Variants in VAV3 observed in about 807,000 individuals in gnomAD.
The protein encoded by VAV3 is vav guanine nucleotide exchange factor 3.
A neutral mutation model predicts 131.2 loss-of-function variants in VAV3; 94 were observed. The observed-to-expected ratio is 0.72, with a 90% CI of 0.61 to 0.85. VAV3 has a LOEUF of 0.85. Ranked by LOEUF, VAV3 falls within the 40% of genes least tolerant of loss-of-function variation. The probability of loss-of-function intolerance (pLI) is 0.00; values close to 1 mark genes in which losing one functional copy is unlikely to be tolerated. For missense variants in VAV3, 939 were observed against 1,002.7 expected, an observed-to-expected ratio of 0.94 and a Z score of 0.86; for synonymous variants, 349 against 342.0, an observed-to-expected ratio of 1.02 and a Z score of -0.22.
intron 1 of VAV3, among the ~76,000 whole-genome samples, chr1:107,876,483 G>A (rs1316835467): frequency 6.6e-6 from 1 of 152,164 alleles, no homozygotes; most frequent in Non-Finnish European, 1.5e-5. Context: ...ATAGAGAGGG[G>A]AAAGCTGGTA....
At chr1:107,725,388 T>A (rs951608545) in intron 15 of VAV3, among the ~76,000 whole-genome samples, 2 of 152,170 alleles carry the variant, frequency 1.3e-5, no homozygotes, top group African/African-American at 4.8e-5. Context: ...GAGATGGTGA[T>A]AACAAGTGGA....
intron 2 of VAV3, among the ~76,000 whole-genome samples, chr1:107,874,387 A>G (rs1355030322): frequency 6.6e-6 from 1 of 152,222 alleles, no homozygotes; most frequent in Non-Finnish European, 1.5e-5. Flanking sequence ...TTATTCAACA[A>G]TCTTGAACAC....
intron 1 of VAV3, among the ~76,000 whole-genome samples, chr1:107,914,540 A>G (rs376146727): frequency 2.0e-5 from 3 of 152,360 alleles, no homozygotes; most frequent in East Asian, 3.9e-4. Flanking sequence ...GCTAATGCCC[A>G]TGAAAGCAAT....
intron 15 of VAV3, among the ~76,000 whole-genome samples, chr1:107,706,349 T>C (rs567769407): frequency 4.6e-5 from 7 of 152,180 alleles, no homozygotes; most frequent in South Asian, 2.1e-4. Context: ...GCAAAGGCAA[T>C]TGGAGTAGCA....
In VAV3 at chr1:107,644,606, G is replaced by A. The variant is rs780957347; in HGVS notation, c.1778-1851C>T. On this transcript the variant is annotated intron_variant, in intron 19 of 26. Coordinates refer to ENST00000370056, the MANE Select transcript of VAV3 (RefSeq NM_006113.5). ...GCCACAGGGATAAAAAGGGAGCAGC[G>A]TCATGTGACAAATGATGGAAAGAGC... is the stretch of plus-strand genomic sequence containing the variant. Among the ~76,000 whole-genome samples, 11 of 152,102 alleles carry A rather than the reference G, an allele frequency of 7.2e-5. 1 individual carries two copies. Among genetic ancestry groups the A allele is most frequent in the Non-Finnish European group, 1.3e-4 (9 of 68,012 alleles).
chr1:107,807,639 C>A (rs1435864722), intron 2 of VAV3, among the ~76,000 whole-genome samples: 1 of 152,168 alleles, frequency 6.6e-6, no homozygotes, highest in Admixed American at 6.6e-5. Flanking sequence ...ATAGCCCAGC[C>A]CCACTCTGCT....
rs148826030 is a variant in VAV3, at chr1:107,626,263, A to G, written c.1915-8631T>C. 2.1e-4 allele frequency among the ~76,000 whole-genome samples: 32 copies of G among 152,294 alleles called. No individual in the cohort carries two copies. In the East Asian group the frequency reaches 2.9e-3, roughly 14 times the overall value. On this transcript the variant is annotated intron_variant, in intron 20 of 26. Coordinates refer to ENST00000370056, the MANE Select transcript of VAV3 (RefSeq NM_006113.5). ...TTCCTGCAAATTCAGTTTATGATCT[A>G]TTTAATCAAAGCCAGTTGACAATCA...
chr1:107,624,867 A>G (rs1220683186), intron 20 of VAV3, among the ~76,000 whole-genome samples: 37 of 152,206 alleles, frequency 2.4e-4, no homozygotes, highest in Admixed American at 2.4e-3. Context: ...CGTGGACACA[A>G]TCTTCAAGGA....
chr1:107,788,543 G>C (rs1391798449), intron 2 of VAV3, among the ~76,000 whole-genome samples: 7 of 152,088 alleles, frequency 4.6e-5, no homozygotes, highest in Non-Finnish European at 1.5e-5. Flanking sequence ...AGCAAACTGG[G>C]ACCAGCAATA....
intron 20 of VAV3, among the ~76,000 whole-genome samples, chr1:107,630,900 C>T (rs899108805): frequency 1.3e-5 from 2 of 152,108 alleles, no homozygotes; most frequent in Non-Finnish European, 2.9e-5. Context: ...CCAGATTACG[C>T]CATTGAGTAA....
intron 25 of VAV3, among the ~76,000 whole-genome samples, chr1:107,586,955 T>C (rs1016538536): frequency 2.0e-5 from 3 of 152,108 alleles, no homozygotes; most frequent in Non-Finnish European, 4.4e-5. Context: ...GTATTGAACA[T>C]AAAGTCCCTT....
intron 20 of VAV3, among the ~76,000 whole-genome samples, chr1:107,622,263 A>G (rs1008596494): frequency 3.3e-5 from 5 of 152,156 alleles, no homozygotes; most frequent in Non-Finnish European, 7.4e-5. Context: ...AAGAATCCAC[A>G]CTGAATCATA....
chr1:107,573,336 C>A lies in VAV3; in HGVS notation c.2539G>T (p.Glu847Ter), dbSNP rs1247187274. The part of the protein sequence containing the change: ...WFPSTYVEED[E>*] ...GTGCAACACGGGATTTGAATTTATT[C>A]ATCCTCTTCCACATATGTGGATGGA... Residue 847 changes from glutamate (E) to a stop codon, truncating the protein, a stop_gained, in exon 27 of 27, where the codon GAA (glutamate) becomes TAA (stop). Coordinates refer to ENST00000370056, the MANE Select transcript of VAV3 (RefSeq NM_006113.5). LOFTEE classifies it high-confidence loss of function. The A allele has an allele frequency of 1.9e-6, 3 of 1,614,092 alleles. No individual in the cohort carries two copies. Among genetic ancestry groups the A allele is most frequent in the South Asian group, 1.1e-5 (1 of 91,052 alleles).
At chr1:107,953,570 C>T (rs1020810833) in intron 1 of VAV3, among the ~76,000 whole-genome samples, 10 of 152,128 alleles carry the variant, frequency 6.6e-5, no homozygotes, top group African/African-American at 9.7e-5. Context: ...TATTATTGCA[C>T]ATGTAAGTAT....
At chr1:107,910,884 A>G (rs1324728859) in intron 1 of VAV3, among the ~76,000 whole-genome samples, 2 of 152,034 alleles carry the variant, frequency 1.3e-5, no homozygotes, top group Non-Finnish European at 2.9e-5. Context: ...GGAGGCTGAG[A>G]TGGGAGAACC....
intron 2 of VAV3, among the ~76,000 whole-genome samples, chr1:107,828,056 A>G (rs1434256759): frequency 2.0e-5 from 3 of 152,178 alleles, no homozygotes; most frequent in Non-Finnish European, 4.4e-5. Flanking sequence ...TCTGGGCAGC[A>G]TTCTGGATAC....
chr1:107,796,108 T>C (rs1176668679), intron 2 of VAV3, among the ~76,000 whole-genome samples: 1 of 151,998 alleles, frequency 6.6e-6, no homozygotes, highest in Non-Finnish European at 1.5e-5. Flanking sequence ...TCAAACAGTA[T>C]AACAAAGTGA....
chr1:107,891,283 A>G (rs1398976940), intron 1 of VAV3, among the ~76,000 whole-genome samples: 1 of 152,174 alleles, frequency 6.6e-6, no homozygotes, highest in Non-Finnish European at 1.5e-5. Flanking sequence ...AGGTAGTGAT[A>G]GTCATTCTCT....
intron 1 of VAV3, among the ~76,000 whole-genome samples, chr1:107,934,151 A>G (rs1389865687): frequency 6.6e-6 from 1 of 152,238 alleles, no homozygotes; most frequent in Non-Finnish European, 1.5e-5. Flanking sequence ...TTGGAATTAT[A>G]AGAACTCTAT....
Sources: allele counts gnomAD v4.1 joint callset (sites outside exome capture counted in the v4.1 genomes callset), GRCh38; gene constraint gnomAD v4.1.1; transcripts MANE v1.5; gene names NCBI Gene and HGNC (gene_info 2026-07-23, HGNC 2026-07-21).